Variants in SCARF1 observed in about 807,000 individuals in gnomAD.
SCARF1 encodes the protein acetyl LDL receptor.
Under a neutral mutation model 76.3 loss-of-function variants are expected in SCARF1, and 49 were observed. The observed-to-expected ratio is 0.64, with a 90% CI of 0.51 to 0.81. SCARF1 has a LOEUF of 0.81. Ranked by LOEUF, SCARF1 falls within the 40% of genes least tolerant of loss-of-function variation. The probability of loss-of-function intolerance (pLI) is 0.00; values close to 1 mark genes in which losing one functional copy is unlikely to be tolerated. For synonymous variants in SCARF1, 495 were observed against 474.6 expected, an observed-to-expected ratio of 1.04 and a Z score of -0.56; for missense variants, 1,098 against 1,143.9, an observed-to-expected ratio of 0.96 and a Z score of 0.58.
intron 4 of SCARF1, among the ~76,000 whole-genome samples, chr17:1,643,051 C>G (rs940455584): frequency 6.6e-6 from 1 of 152,124 alleles, no homozygotes; most frequent in Non-Finnish European, 1.5e-5. Context: ...TTGAGAGGAG[C>G]ACCGCGAAGC....
chr17:1,642,056 CAA>C (rs1910094996), intron 4 of SCARF1, among the ~76,000 whole-genome samples: 1 of 152,142 alleles, frequency 6.6e-6, no homozygotes, highest in Admixed American at 6.6e-5. Context: ...TGCAGCCAGT[CAA>C]AGTTTGAAAG....
Position 1,637,024 on chromosome 17 carries a change from A to G in SCARF1, c.1403T>C (p.Leu468Pro). ...RDGATVSRMK[L>P]QVWGTLTSLG... ...GCTGGTCAGTGTCCCCCAGACCTGC[A>G]GCTTCATCCTGGACACGGTAGCTCC... is the stretch of plus-strand genomic sequence containing the variant. Residue 468 changes from leucine (L) to proline (P), a missense_variant, in exon 9 of 11, where the codon CTG becomes CCG. By Grantham distance (98) the Leu-to-Pro change is moderately conservative. Coordinates refer to ENST00000263071, the MANE Select transcript of SCARF1 (RefSeq NM_003693.4). 1 of 1,614,026 alleles carries G rather than the reference A, an allele frequency of 6.2e-7. No individual in the cohort carries two copies.
chr17:1,636,884 A>G (rs1477969569), intron 9 of SCARF1, 29 bp from the exon 10 acceptor site: 2 of 1,613,808 alleles, frequency 1.2e-6, no homozygotes, highest in Non-Finnish European at 1.7e-6. Flanking sequence ...AGGCGCCTGC[A>G]GGACCTGATG....
rs1186704865 is a variant in SCARF1 at position 1,645,429 on chromosome 17, C to G, written c.101+168G>C. 2 of 1,482,496 alleles carry G rather than the reference C, an allele frequency of 1.3e-6. No homozygotes were observed. Among genetic ancestry groups the G allele is most frequent in the Middle Eastern group, 2.2e-4 (1 of 4,556 alleles). 91.8% of individuals were successfully genotyped at this position (1,482,496 alleles called of 1,614,324 possible). On this transcript the variant is annotated intron_variant, in intron 1 of 10. Coordinates refer to ENST00000263071, the MANE Select transcript of SCARF1 (RefSeq NM_003693.4). This position sits in a 1 kb window ranked among gnomAD's most constrained non-coding sequence, Gnocchi z 6.3. Reference sequence around the variant, plus strand: ...CTGACCCTTCCACCATCTGCCCTGGCTGGCCACTACCTGCCAGACCGCCAT... The same window carrying G: ...CTGACCCTTCCACCATCTGCCCTGGGTGGCCACTACCTGCCAGACCGCCAT...
Position 1,639,350 on chromosome 17 carries a change from T to C in SCARF1, c.1243+289A>G, listed in dbSNP as rs557724754. On this transcript the variant is annotated intron_variant, in intron 7 of 10. Transcript: ENST00000263071. Reference sequence around the variant, plus strand: ...GTGAAACCCTGTCTCTACTAAAATATAAAAATTAGCCAGGCATGGAGGCGT... The same window carrying C: ...GTGAAACCCTGTCTCTACTAAAATACAAAAATTAGCCAGGCATGGAGGCGT... Among the ~76,000 whole-genome samples, 18 of 152,092 alleles carry C rather than the reference T, an allele frequency of 1.2e-4. No homozygotes were observed. In the South Asian group the frequency reaches 3.7e-3, roughly 32 times the overall value.
intron 4 of SCARF1, among the ~76,000 whole-genome samples, chr17:1,641,408 C>T (rs1033633380): frequency 3.9e-5 from 6 of 152,182 alleles, no homozygotes; most frequent in African/African-American, 1.4e-4. Flanking sequence ...CTCAGGGCTC[C>T]CACTGATTCT....
intron 10 of SCARF1, 109 bp from the exon 11 acceptor site, chr17:1,635,726 G>C (rs1160283445): frequency 7.4e-7 from 1 of 1,343,578 alleles, no homozygotes; most frequent in Non-Finnish European, 9.9e-7. Context: ...GCAAGGAAGA[G>C]GGCAAGGATG....
At chr17:1,638,721 T>C in intron 8 of SCARF1, 85 bp downstream of exon 8, 1 of 1,283,846 alleles carries the variant, frequency 7.8e-7, no homozygotes, top group Non-Finnish European at 1.0e-6. Flanking sequence ...AGGCCAGCCC[T>C]CCCCACCCCA....
At chr17:1,638,679 A>C (rs1364777255) in intron 8 of SCARF1, 127 bp downstream of exon 8, 16 of 1,117,652 alleles carry the variant, frequency 1.4e-5, no homozygotes, top group East Asian at 1.0e-4. Context: ...AGCCCTCCCC[A>C]CCCCCATCAC....
At position 1,640,515 on chromosome 17, in the gene SCARF1, G is replaced by T; in HGVS notation, c.943C>A (p.His315Asn). The change falls in exon 5 of 11, where the codon CAT (histidine) becomes AAT (asparagine). Residue 315 changes from histidine (H) to asparagine (N), a missense_variant. By Grantham distance (68) the His-to-Asn change is moderately conservative (BLOSUM62 1). Coordinates refer to ENST00000263071, the MANE Select transcript of SCARF1 (RefSeq NM_003693.4). This position sits in a 1 kb window ranked among gnomAD's most constrained non-coding sequence, Gnocchi z 4.7. ...SCEQQCPHCR[H>N]GEACEPDTGH... is the part of the protein sequence containing the mutation. ...GTATCTGGCTCACAGGCCTCCCCAT[G>T]TCGGCAGTGAGGGCACTGCTGTTCG... The T allele has an allele frequency of 6.3e-7, 1 of 1,592,236 alleles. No homozygotes were observed. The highest frequency in any genetic ancestry group is 8.6e-7 in the Non-Finnish European group (1 of 1,169,064).
At chr17:1,639,509 GAA>G (rs34632795) in intron 7 of SCARF1, 128 bp downstream of exon 7, 52,164 of 533,140 alleles carry the variant, frequency 0.098, no homozygotes, top group Non-Finnish European at 0.11. Context: ...CGTCTTAAGG[GAA>G]AAAAAAAAAA....
chr17:1,644,245 G>C lies in SCARF1; in HGVS notation c.266-278C>G. 1 of 372,360 alleles carries C rather than the reference G, an allele frequency of 2.7e-6. No homozygotes were observed. The highest frequency in any genetic ancestry group is 4.8e-6 in the Non-Finnish European group (1 of 209,116). 23.1% of individuals were successfully genotyped at this position (372,360 alleles called of 1,614,324 possible). A position where few individuals can be genotyped will look rare whatever the true frequency, so the allele number is the denominator to read the frequency against. On this transcript the variant is annotated intron_variant, in intron 3 of 10. Coordinates refer to ENST00000263071, the MANE Select transcript of SCARF1 (RefSeq NM_003693.4). The surrounding 1 kb of genome is among the most constrained non-coding windows in gnomAD (Gnocchi z 4.8). ...AGTGGGCAGGGGACTTGCCCAGAGCGTGGCACCGAGGTTGGTGGGCCTTCC... is the reference window on the plus strand; with the variant it reads ...AGTGGGCAGGGGACTTGCCCAGAGCCTGGCACCGAGGTTGGTGGGCCTTCC...
intron 4 of SCARF1, among the ~76,000 whole-genome samples, chr17:1,641,264 G>T (rs1373610755): frequency 6.6e-6 from 1 of 152,158 alleles, no homozygotes; most frequent in East Asian, 1.9e-4. Flanking sequence ...GATTCTCATA[G>T]GAGCGCCAGT....
At position 1,636,987 on chromosome 17, in the gene SCARF1, C is replaced by T. The variant is rs750335327; in HGVS notation, c.1440G>A (p.Thr480=). 16 of 1,613,842 alleles carry T rather than the reference C, an allele frequency of 9.9e-6. No individual in the cohort carries two copies. Among genetic ancestry groups the T allele is most frequent in the South Asian group, 9.9e-5 (9 of 91,074 alleles). Residue 480 remains threonine (T), a synonymous_variant, in exon 9 of 11, where the codon ACG becomes ACA. Coordinates refer to ENST00000263071, the MANE Select transcript of SCARF1 (RefSeq NM_003693.4). ...VWGTLTSLGS[T]LPCRSLSSHK... is the part of the protein sequence containing the mutation. ...GGGAGCTGAGGGAACGGCAGGGCAG[C>T]GTGGAGCCCAAGCTGGTCAGTGTCC...
Position 1,635,412 on chromosome 17 carries a change from G to A in SCARF1, c.1839C>T (p.Leu613=). The change falls in exon 11 of 11, where the codon CTC becomes CTT. Residue 613 remains leucine (L), a synonymous_variant. Coordinates refer to ENST00000263071, the MANE Select transcript of SCARF1 (RefSeq NM_003693.4). ...RRSSGELSSP[L]RKPKRLSRGA... ...CCCGGGAGAGCCTCTTGGGCTTTCG[G>A]AGCGGGCTGGAGAGCTCCCCTGAGC... 1 of 1,613,980 alleles carries A rather than the reference G, an allele frequency of 6.2e-7. No homozygotes were observed. Among genetic ancestry groups the A allele is most frequent in the Non-Finnish European group, 8.5e-7 (1 of 1,179,916 alleles).
In SCARF1 at chr17:1,644,588, G is replaced by A. The variant is rs1437023912; in HGVS notation, c.265+246C>T. The stretch of plus-strand genomic sequence containing the variant: ...TGAAGGGGAATCACAGGTTTTCTGA[G>A]AAGTGGAAGAGGAAGATGCTCAGGT... On this transcript the variant is annotated intron_variant, in intron 3 of 10. Transcript: ENST00000263071. The surrounding 1 kb of genome is among the most constrained non-coding windows in gnomAD (Gnocchi z 4.8). 1.4e-5 allele frequency: 8 copies of A among 591,150 alleles called. No homozygotes were observed. In the East Asian group the frequency reaches 2.2e-4, roughly 16 times the overall value. 36.6% of individuals were successfully genotyped at this position (591,150 alleles called of 1,614,324 possible).
In SCARF1 at chr17:1,644,722, G is replaced by T. The variant is rs1399586895; in HGVS notation, c.265+112C>A. ...GCAATTCCTCAGTGAAGCTGGGGGG[G>T]ATTCTGGCCCTGCTGTCCTGAGGCT... On this transcript the variant is annotated intron_variant, in intron 3 of 10. Coordinates refer to ENST00000263071, the MANE Select transcript of SCARF1 (RefSeq NM_003693.4). The surrounding 1 kb of genome is among the most constrained non-coding windows in gnomAD (Gnocchi z 4.8). 6 of 979,718 alleles carry T rather than the reference G, an allele frequency of 6.1e-6. No homozygotes were observed. Among genetic ancestry groups the T allele is most frequent in the African/African-American group, 1.6e-5 (1 of 62,298 alleles). 60.7% of individuals were successfully genotyped at this position (979,718 alleles called of 1,614,324 possible).
Position 1,640,163 on chromosome 17 carries a change from A to G in SCARF1, c.1011-123T>C. On this transcript the variant is annotated intron_variant, in intron 5 of 10. Transcript: ENST00000263071. This position sits in a 1 kb window ranked among gnomAD's most constrained non-coding sequence, Gnocchi z 4.7. ...CCCAACTGGCCACTCCTCAGCAGTG[A>G]AGCTCAGGTGCAAATAGGGCCTTGA... 2 of 1,207,764 alleles carry G rather than the reference A, an allele frequency of 1.7e-6. No homozygotes were observed. Among genetic ancestry groups the G allele is most frequent in the Admixed American group, 5.2e-5 (2 of 38,626 alleles). The allele number at this position is 1,207,764 out of a possible 1,614,324, so 74.8% of individuals were successfully genotyped here. A position where few individuals can be genotyped will look rare whatever the true frequency, so the allele number is the denominator to read the frequency against.
chr17:1,638,791 C>CG lies in SCARF1; in HGVS notation c.1364+14dup. 1 of 1,596,488 alleles carries CG rather than the reference C, an allele frequency of 6.3e-7. No individual in the cohort carries two copies. The highest frequency in any genetic ancestry group is 2.3e-5 in the East Asian group (1 of 44,304). ...TGGCCTGAGCTGTGTGGGGAAGGGA[C>CG]GGGCTGGCGTTCACCTGTCCTTGAG... On this transcript the variant is annotated intron_variant, in intron 8 of 10. Coordinates refer to ENST00000263071, the MANE Select transcript of SCARF1 (RefSeq NM_003693.4).
Sources: allele counts gnomAD v4.1 joint callset (sites outside exome capture counted in the v4.1 genomes callset), GRCh38; gene constraint gnomAD v4.1.1; non-coding constraint Gnocchi (gnomAD v3.1); transcripts MANE v1.5; gene names NCBI Gene and HGNC (gene_info 2026-07-23, HGNC 2026-07-21).